Variants in CPEB1 observed in about 807,000 individuals in gnomAD.
CPEB1 encodes the protein cytoplasmic polyadenylation element binding protein 1, also known as cytoplasmic polyadenylation element-binding protein 1.
A neutral mutation model predicts 65.8 loss-of-function variants in CPEB1; 7 were observed. The observed-to-expected ratio is 0.11, with a 90% CI of 0.06 to 0.20. The LOEUF (loss-of-function observed/expected upper bound fraction) is 0.20. Among genes scored for constraint, CPEB1 ranks in the 10% least tolerant of loss-of-function variants. CPEB1 has a pLI of 1.00. For synonymous variants in CPEB1, 262 were observed against 260.0 expected (o/e 1.01, Z -0.08); for missense variants, 551 against 712.2 (o/e 0.77, Z 2.58).
chr15:82,579,918 C>CAAAAAAAAAA lies in CPEB1; in HGVS notation c.272-8396_272-8387dup, dbSNP rs59925251. Among the ~76,000 whole-genome samples the CAAAAAAAAAA allele has an allele frequency of 2.4e-4, 8 of 32,680 alleles. 1 individual carries two copies. The highest frequency in any genetic ancestry group is 8.8e-4 in the Admixed American group (2 of 2,262). 21.4% of individuals were successfully genotyped at this position (32,680 alleles called of 152,430 possible). On this transcript the variant is annotated intron_variant, in intron 3 of 12. Coordinates refer to ENST00000684509, the MANE Select transcript of CPEB1 (RefSeq NM_001365242.1). ...TGGGCGACAGAGTGAGACTCCGTCT[C>CAAAAAAAAAA]AAAAAAAAAAAAAAAAAAAAAAAAA...
chr15:82,606,960 T>G (rs568112332), intron 3 of CPEB1, among the ~76,000 whole-genome samples: 3 of 151,650 alleles, frequency 2.0e-5, no homozygotes, highest in African/African-American at 7.3e-5. Context: ...GAGCAAGACT[T>G]TGTCTCTTTA....
intron 3 of CPEB1, among the ~76,000 whole-genome samples, chr15:82,592,456 T>TA (rs1416600657): frequency 6.6e-6 from 1 of 151,346 alleles, no homozygotes; most frequent in African/African-American, 2.4e-5. Flanking sequence ...GGCATGCCTG[T>TA]AATCCCAGCT....
chr15:82,605,133 T>A (rs985353073), intron 3 of CPEB1, among the ~76,000 whole-genome samples: 3 of 152,160 alleles, frequency 2.0e-5, no homozygotes, highest in African/African-American at 7.2e-5. Context: ...CCAAGAATTT[T>A]TTATCACCAA....
intron 10 of CPEB1, among the ~76,000 whole-genome samples, chr15:82,548,358 A>G (rs976504360): frequency 3.9e-5 from 6 of 152,118 alleles, no homozygotes; most frequent in African/African-American, 7.2e-5. Flanking sequence ...ATTTAACCCT[A>G]TATGTTAATA....
At chr15:82,624,538 C>T (rs2045587514) in intron 3 of CPEB1, among the ~76,000 whole-genome samples, 1 of 152,114 alleles carries the variant, frequency 6.6e-6, no homozygotes, top group East Asian at 1.9e-4. Context: ...TGAGAAGGAG[C>T]TGAAGAGCCC....
At chr15:82,558,557 G>GCTT (rs2150982733) in intron 4 of CPEB1, among the ~76,000 whole-genome samples, 1 of 152,312 alleles carries the variant, frequency 6.6e-6, no homozygotes, top group Non-Finnish European at 1.5e-5. Context: ...TGTTTAGGAT[G>GCTT]GAAGCAGAAT....
chr15:82,580,022 A>G (rs2041110783), intron 3 of CPEB1, among the ~76,000 whole-genome samples: 1 of 145,972 alleles, frequency 6.9e-6, no homozygotes, highest in South Asian at 2.3e-4. Flanking sequence ...TACAAATACT[A>G]GGAGAAAAGA....
chr15:82,647,753 C>A, upstream of CPEB1: 1 of 1,059,868 alleles, frequency 9.4e-7, no homozygotes, highest in Non-Finnish European at 1.2e-6. Flanking sequence ...CCGCACGGGG[C>A]GGGGGATGGG....
At chr15:82,565,401 T>A (rs1431030443) in intron 4 of CPEB1, among the ~76,000 whole-genome samples, 1 of 152,208 alleles carries the variant, frequency 6.6e-6, no homozygotes, top group African/African-American at 2.4e-5. Context: ...TATGTAAGGT[T>A]GCTGAGTACG....
chr15:82,543,797 G>A lies in CPEB1; in HGVS notation c.*795C>T, dbSNP rs984630511. ...GCAGCCGCTCAAACACCGTTTATCC[G>A]GTCCAGTTTCAAATAAAACAAAAAA... On this transcript the variant is annotated 3_prime_UTR_variant, in exon 13 of 13. Transcript: ENST00000684509. 6.9e-3 allele frequency: 1,053 copies of A among 152,026 alleles called. 4 individuals carry two copies. Among genetic ancestry groups the A allele is most frequent in the Middle Eastern group, 0.014 (4 of 294 alleles). The allele number at this position is 152,026 out of a possible 1,614,324, so 9.4% of individuals were successfully genotyped here.
At chr15:82,612,490 CT>C (rs1391342793) in intron 3 of CPEB1, among the ~76,000 whole-genome samples, 1 of 119,288 alleles carries the variant, frequency 8.4e-6, no homozygotes, top group Non-Finnish European at 1.7e-5. Context: ...GAGCGAGAGT[CT>C]GTCCAAAAAA....
At chr15:82,643,360 G>A (rs1219322834) in intron 1 of CPEB1, among the ~76,000 whole-genome samples, 2 of 152,154 alleles carry the variant, frequency 1.3e-5, no homozygotes, top group Admixed American at 1.3e-4. Flanking sequence ...GGCTGGGCAC[G>A]GTGGCTCACA....
At chr15:82,546,855 T>C (rs1356511644) in intron 11 of CPEB1, among the ~76,000 whole-genome samples, 2 of 151,914 alleles carry the variant, frequency 1.3e-5, no homozygotes, top group Non-Finnish European at 2.9e-5. Flanking sequence ...TCCCAAAAGG[T>C]TGGAAAATAG....
chr15:82,579,684 G>A (rs1038680042), intron 3 of CPEB1, among the ~76,000 whole-genome samples: 54 of 142,390 alleles, frequency 3.8e-4, no homozygotes, highest in Middle Eastern at 4.5e-3. Context: ...AGGCCGAGAC[G>A]GGTGGATCAT....
chr15:82,558,158 G>C (rs943460751), intron 4 of CPEB1, among the ~76,000 whole-genome samples, 172 bp from the exon 5 acceptor site: 1 of 152,170 alleles, frequency 6.6e-6, no homozygotes. Flanking sequence ...AGACCTGGCC[G>C]CAAGGGCCTT....
At chr15:82,558,782 C>G (rs1389677184) in intron 4 of CPEB1, among the ~76,000 whole-genome samples, 1 of 152,032 alleles carries the variant, frequency 6.6e-6, no homozygotes, top group African/African-American at 2.4e-5. Context: ...ACAGTAGCAC[C>G]CAGCACACAA....
chr15:82,640,895 T>G (rs1370651074), intron 1 of CPEB1: 1 of 141,484 alleles, frequency 7.1e-6, no homozygotes, highest in South Asian at 2.2e-4. Context: ...ACAAGATTGA[T>G]CAGATAAGGA....
intron 3 of CPEB1, among the ~76,000 whole-genome samples, chr15:82,572,380 G>A (rs913283802): frequency 2.0e-5 from 3 of 152,174 alleles, no homozygotes; most frequent in Non-Finnish European, 4.4e-5. Flanking sequence ...ACAGAGAAAG[G>A]GGGTAAGCGT....
Position 82,557,914 on chromosome 15 carries a change from G to A in CPEB1, c.533C>T (p.Pro178Leu). The change falls in exon 5 of 13, where the codon CCC (proline) becomes CTC (leucine). Residue 178 changes from proline to leucine, a missense_variant. Pro to Leu is a moderately conservative substitution (Grantham distance 98, BLOSUM62 -3). Transcript: ENST00000684509. ...CTTGTCCACCAAGTCAGACCCAAGG[G>A]GATCCAGAGGCAGGAAGCTCAAGGG... ...KPPLSFLPLD[P>L]LGSDLVDKFP... The A allele has an allele frequency of 1.2e-6, 2 of 1,614,048 alleles. No homozygotes were observed. The highest frequency in any genetic ancestry group is 1.7e-6 in the Non-Finnish European group (2 of 1,179,982).
Sources: gnomAD v4.1 joint callset for allele counts (sites outside exome capture counted in the v4.1 genomes callset) on GRCh38, gnomAD v4.1.1 for gene constraint, MANE v1.5 for transcripts, NCBI Gene and HGNC (gene_info 2026-07-23, HGNC 2026-07-21) for gene names.